KLHL4: variants seen among roughly 807,000 people sequenced by gnomAD.
The protein encoded by KLHL4 is kelch like family member 4.
A neutral mutation model predicts 45.8 loss-of-function variants in KLHL4; 17 were observed. That is an observed-to-expected ratio of 0.37 (90% CI 0.25 to 0.56). The LOEUF (loss-of-function observed/expected upper bound fraction) is 0.56, where lower values mean the gene tolerates loss of function less well. Ranked by LOEUF, KLHL4 falls within the 20% of genes least tolerant of loss-of-function variation. The pLI, the probability that KLHL4 is intolerant of heterozygous loss-of-function variation, is 0.79. For missense variants in KLHL4, 544 were observed against 544.9 expected (o/e 1.00, Z 0.02); for synonymous variants, 224 against 189.9 (o/e 1.18, Z -1.47).
chrX:87,566,237 A>G (rs751994103), intron 1 of KLHL4, among the ~76,000 whole-genome samples: 64 of 111,385 alleles, frequency 5.7e-4, no homozygotes, highest in African/African-American at 2.1e-3. Context: ...TAGTTCCATA[A>G]AGCCAGCATT....
At chrX:87,564,250 GT>G in intron 1 of KLHL4, among the ~76,000 whole-genome samples, 1 of 110,037 alleles carries the variant, frequency 9.1e-6, no homozygotes, top group Non-Finnish European at 1.9e-5. Context: ...TAAGATATAT[GT>G]ATTATGATAA....
intron 1 of KLHL4, among the ~76,000 whole-genome samples, chrX:87,610,279 T>A (rs894078292): frequency 6.2e-5 from 7 of 112,278 alleles, no homozygotes; most frequent in African/African-American, 2.3e-4. Flanking sequence ...TACTGCTATA[T>A]CTTCACTTCC....
At chrX:87,558,108 T>C (rs1932019092) in intron 1 of KLHL4, among the ~76,000 whole-genome samples, 1 of 112,017 alleles carries the variant, frequency 8.9e-6, no homozygotes, top group Admixed American at 9.5e-5. Flanking sequence ...TATGGCCCCA[T>C]GTCTACCCCA....
chrX:87,563,606 C>A (rs867452075), intron 1 of KLHL4, among the ~76,000 whole-genome samples: 1,768 of 57,180 alleles, frequency 0.031, no homozygotes, highest in Non-Finnish European at 0.034. Flanking sequence ...CCAAAGGAGA[C>A]AAAAAAAAAA....
At chrX:87,629,984 A>C (rs2147822589) in intron 6 of KLHL4, among the ~76,000 whole-genome samples, 1 of 111,937 alleles carries the variant, frequency 8.9e-6, no homozygotes, top group Non-Finnish European at 1.9e-5. Context: ...TTATCAGTGA[A>C]GGAGGCAATA....
chrX:87,520,589 AT>A (rs1930980112), intron 1 of KLHL4, among the ~76,000 whole-genome samples: 1 of 112,211 alleles, frequency 8.9e-6, no homozygotes, highest in Admixed American at 9.5e-5. Flanking sequence ...AAAGTTAAAA[AT>A]TCAAATGTAT....
At chrX:87,614,662 C>A in intron 3 of KLHL4, 92 bp downstream of exon 3, 1 of 788,626 alleles carries the variant, frequency 1.3e-6, no homozygotes, top group Non-Finnish European at 1.8e-6. Flanking sequence ...GCTACTAATA[C>A]TACTACTATT....
At chrX:87,538,875 C>T (rs1206317867) in intron 1 of KLHL4, among the ~76,000 whole-genome samples, 3 of 111,506 alleles carry the variant, frequency 2.7e-5, no homozygotes, top group Non-Finnish European at 5.7e-5. Flanking sequence ...ATTTGAATTG[C>T]TTCTCTTGCT....
intron 9 of KLHL4, among the ~76,000 whole-genome samples, chrX:87,652,808 C>A (rs746971941): frequency 8.9e-6 from 1 of 112,058 alleles, no homozygotes; most frequent in Non-Finnish European, 1.9e-5. Context: ...TTTCAGATAT[C>A]TTTTCAGCAG....
chrX:87,627,095 G>C (rs1922954993), intron 6 of KLHL4, among the ~76,000 whole-genome samples: 1 of 111,735 alleles, frequency 8.9e-6, no homozygotes, highest in Admixed American at 9.5e-5. Context: ...TCTGGTAAAG[G>C]GGCTGGTGCC....
chrX:87,555,911 A>G (rs1931961251), intron 1 of KLHL4, among the ~76,000 whole-genome samples: 1 of 109,940 alleles, frequency 9.1e-6, no homozygotes, highest in African/African-American at 3.3e-5. Flanking sequence ...AGATTCTGGT[A>G]TGTTGTGTCT....
intron 9 of KLHL4, among the ~76,000 whole-genome samples, chrX:87,664,388 A>G (rs1228936795): frequency 8.9e-6 from 1 of 112,073 alleles, no homozygotes; most frequent in Non-Finnish European, 1.9e-5. Context: ...CAGGCATCTT[A>G]TGTATAACTT....
At chrX:87,642,444 G>T (rs1923495150) in intron 9 of KLHL4, among the ~76,000 whole-genome samples, 1 of 111,780 alleles carries the variant, frequency 8.9e-6, no homozygotes, top group Admixed American at 9.5e-5. Context: ...AAATGAGAAG[G>T]AACCAGAAAA....
In KLHL4 at chrX:87,518,117, C is replaced by T. The variant is rs1569331783; in HGVS notation, c.224C>T (p.Ala75Val). 8.3e-7 allele frequency: 1 copy of T among 1,211,428 alleles called. No individual in the cohort carries two copies. The highest frequency in any genetic ancestry group is 1.1e-6 in the Non-Finnish European group (1 of 895,175). The part of the protein sequence containing the change: ...SNSPVHHNIL[A>V]PVPGPAPAHQ... ...AGTCCTGTCCACCACAATATACTGG[C>T]ACCAGTGCCAGGACCGGCCCCTGCC... The change falls in exon 1 of 11, where the codon GCA (alanine) becomes GTA (valine). Residue 75 changes from alanine (A) to valine (V), a missense_variant. Ala to Val is a moderately conservative substitution (Grantham distance 64, BLOSUM62 0). Transcript: ENST00000373119.
chrX:87,574,866 G>A (rs1398547483), intron 1 of KLHL4, among the ~76,000 whole-genome samples: 1 of 111,792 alleles, frequency 8.9e-6, no homozygotes, highest in East Asian at 2.8e-4. Flanking sequence ...AATAACATGT[G>A]TGCCACTGTT....
intron 9 of KLHL4, among the ~76,000 whole-genome samples, chrX:87,647,538 A>T (rs1923676691): frequency 8.9e-6 from 1 of 112,361 alleles, no homozygotes; most frequent in African/African-American, 3.2e-5. Context: ...GGATATATGG[A>T]ATACTACTCA....
chrX:87,616,934 G>T (rs1336500374), intron 3 of KLHL4, among the ~76,000 whole-genome samples: 1 of 111,130 alleles, frequency 9.0e-6, no homozygotes, highest in Admixed American at 9.7e-5. Context: ...TTTCCTTATG[G>T]TTATGCAACT....
intron 9 of KLHL4, among the ~76,000 whole-genome samples, chrX:87,650,821 G>A (rs1923788957): frequency 8.9e-6 from 1 of 111,741 alleles, no homozygotes; most frequent in African/African-American, 3.3e-5. Context: ...CACGTGGCTG[G>A]GGAGGCTTCA....
chrX:87,578,143 T>C (rs1179564070), intron 1 of KLHL4, among the ~76,000 whole-genome samples: 3 of 111,655 alleles, frequency 2.7e-5, no homozygotes, highest in Non-Finnish European at 5.7e-5. Context: ...AGTTTTCTGA[T>C]TAAAATGTGC....
Sources: allele counts gnomAD v4.1 joint callset (sites outside exome capture counted in the v4.1 genomes callset), GRCh38; gene constraint gnomAD v4.1.1; transcripts MANE v1.5; gene names NCBI Gene and HGNC (gene_info 2026-07-23, HGNC 2026-07-21).